The following PTPRT variants were observed in gnomAD, a reference collection of about 807,000 sequenced individuals.
The protein encoded by PTPRT is protein tyrosine phosphatase receptor type T.
In PTPRT, 56 loss-of-function variants were observed where a neutral mutation model predicts 176.8. That is an observed-to-expected ratio of 0.32 (90% CI 0.26 to 0.40). PTPRT has a LOEUF of 0.40. Among genes scored for constraint, PTPRT ranks in the 10% least tolerant of loss-of-function variants. The pLI is 1.00. For synonymous variants in PTPRT, 783 were observed against 739.0 expected (o/e 1.06, Z -0.96); for missense variants, 1,540 against 1,908.2 (o/e 0.81, Z 3.60).
At chr20:42,721,047 C>T (rs571579606) in intron 6 of PTPRT, among the ~76,000 whole-genome samples, 3 of 152,190 alleles carry the variant, frequency 2.0e-5, no homozygotes, top group Admixed American at 6.5e-5. Context: ...TGGGACAGAA[C>T]GAAGTGTTAG....
chr20:42,919,829 A>T (rs566928735), intron 1 of PTPRT, among the ~76,000 whole-genome samples: 2 of 152,302 alleles, frequency 1.3e-5, no homozygotes, highest in East Asian at 3.9e-4. Context: ...AGTTCAGTGA[A>T]TTTTAAACTG....
chr20:42,509,647 C>G (rs2071918424), intron 7 of PTPRT, among the ~76,000 whole-genome samples: 1 of 148,348 alleles, frequency 6.7e-6, no homozygotes, highest in African/African-American at 2.4e-5. Flanking sequence ...CACTGTATGT[C>G]ATTCTGCAGA....
intron 27 of PTPRT, among the ~76,000 whole-genome samples, chr20:42,095,288 GC>G (rs1460453569): frequency 2.0e-5 from 3 of 152,208 alleles, no homozygotes; most frequent in African/African-American, 7.2e-5. Context: ...TCAAACATGT[GC>G]ATGGCTCTCT....
At chr20:42,526,962 T>C (rs890310165) in intron 7 of PTPRT, among the ~76,000 whole-genome samples, 3 of 124,936 alleles carry the variant, frequency 2.4e-5, no homozygotes, top group Admixed American at 1.6e-4. Flanking sequence ...TTTTCTTTTT[T>C]TTTTTTTTTT....
chr20:42,722,539 A>G (rs1165271547), intron 6 of PTPRT, among the ~76,000 whole-genome samples: 2 of 152,074 alleles, frequency 1.3e-5, no homozygotes, highest in African/African-American at 4.8e-5. Context: ...CACTTTCTGC[A>G]CCCTCGCTGG....
rs1983045430 is a variant in PTPRT at position 42,078,951 on chromosome 20, A to C, written c.*1928T>G. ...CACCATGGTTCCATTTCCCCAGCATACAGTGGGCTCTTGAGGGCCAAAGCT... is the reference window on the plus strand; with the variant it reads ...CACCATGGTTCCATTTCCCCAGCATCCAGTGGGCTCTTGAGGGCCAAAGCT... On this transcript the variant is annotated 3_prime_UTR_variant, in exon 31 of 31. Transcript: ENST00000373187. 5.7e-6 allele frequency: 1 copy of C among 176,876 alleles called. No homozygotes were observed. The highest frequency in any genetic ancestry group is 1.2e-5 in the Non-Finnish European group (1 of 82,080). The allele number at this position is 176,876 out of a possible 1,614,324, so 11.0% of individuals were successfully genotyped here.
chr20:42,569,031 G>C (rs61617794), intron 7 of PTPRT, among the ~76,000 whole-genome samples: 9,604 of 100,726 alleles, frequency 0.095, 727 homozygotes, highest in Admixed American at 0.33. Flanking sequence ...CTGGGCGACA[G>C]AGCAAGACTC....
chr20:42,929,726 T>A (rs1027965260), intron 1 of PTPRT, among the ~76,000 whole-genome samples: 1 of 152,222 alleles, frequency 6.6e-6, no homozygotes, highest in Non-Finnish European at 1.5e-5. Context: ...CATTTTCCCC[T>A]TAAATCAATT....
rs1046567817 is a variant in PTPRT, at chr20:43,189,221, C to T, written c.88+425G>A. 6.6e-6 allele frequency among the ~76,000 whole-genome samples: 1 copy of T among 152,168 alleles called. No homozygotes were observed. The highest frequency in any genetic ancestry group is 1.5e-5 in the Non-Finnish European group (1 of 68,022). On this transcript the variant is annotated intron_variant, in intron 1 of 30. Coordinates refer to ENST00000373187, the MANE Select transcript of PTPRT (RefSeq NM_007050.6). This position sits in a 1 kb window ranked among gnomAD's most constrained non-coding sequence, Gnocchi z 5.0. The stretch of plus-strand genomic sequence containing the variant: ...CGGCCTGCTGGGGACCTGTCCTCCC[C>T]ACTAAAAGCGCGCGCTGCCCGAGGA...
chr20:42,626,248 T>C (rs1467990809), intron 7 of PTPRT, among the ~76,000 whole-genome samples: 1 of 152,186 alleles, frequency 6.6e-6, no homozygotes, highest in Admixed American at 6.5e-5. Flanking sequence ...GCCACTGCAT[T>C]AAGCTACTTG....
chr20:42,462,980 T>C (rs1352003645), intron 8 of PTPRT, among the ~76,000 whole-genome samples: 2 of 152,144 alleles, frequency 1.3e-5, no homozygotes, highest in East Asian at 3.9e-4. Context: ...TCCAAGGCAT[T>C]TCCCAAATCA....
intron 7 of PTPRT, among the ~76,000 whole-genome samples, chr20:42,676,209 G>A (rs1363512449): frequency 6.6e-6 from 1 of 152,108 alleles, no homozygotes. Flanking sequence ...GCATAAAATT[G>A]TGCCACCAGT....
At chr20:42,213,191 A>G (rs557362331) in intron 15 of PTPRT, among the ~76,000 whole-genome samples, 85 of 97,840 alleles carry the variant, frequency 8.7e-4, no homozygotes, top group African/African-American at 2.4e-3. Flanking sequence ...TAGGTGATCA[A>G]TAAGCCCTCC....
At chr20:42,282,552 A>G (rs1201967462) in intron 12 of PTPRT, 27 bp from the exon 13 acceptor site, 6 of 1,587,888 alleles carry the variant, frequency 3.8e-6, no homozygotes, top group Middle Eastern at 1.7e-4. Context: ...TGAGATGCCA[A>G]TTAATTAGCT....
intron 6 of PTPRT, among the ~76,000 whole-genome samples, chr20:42,685,204 G>A (rs1411515685): frequency 6.6e-6 from 1 of 152,182 alleles, no homozygotes; most frequent in Non-Finnish European, 1.5e-5. Context: ...CATTTTCAAA[G>A]CCAGCAGAAA....
chr20:42,086,753 A>AATATAT lies in PTPRT; in HGVS notation c.3847-906_3847-901dup, dbSNP rs1555858329. On this transcript the variant is annotated intron_variant, in intron 27 of 30. Transcript: ENST00000373187. The stretch of plus-strand genomic sequence containing the variant: ...AAAAAAAAAAAAAAAAAAAAAAAAA[A>AATATAT]ATATATATATATATGGGTTTGACCT... Among the ~76,000 whole-genome samples the AATATAT allele has an allele frequency of 4.8e-4, 46 of 95,526 alleles. 4 individuals carry two copies. The highest frequency in any genetic ancestry group is 1.2e-3 in the African/African-American group (24 of 20,416). The allele number at this position is 95,526 out of a possible 152,430, so 62.7% of individuals were successfully genotyped here.
intron 16 of PTPRT, among the ~76,000 whole-genome samples, chr20:42,162,934 T>A (rs898274139): frequency 6.6e-6 from 1 of 152,210 alleles, no homozygotes; most frequent in African/African-American, 2.4e-5. Flanking sequence ...CACCTGACCT[T>A]CCTGCTTTCT....
intron 8 of PTPRT, among the ~76,000 whole-genome samples, chr20:42,459,902 C>G (rs543067422): frequency 6.6e-6 from 1 of 150,482 alleles, no homozygotes; most frequent in Non-Finnish European, 1.5e-5. Flanking sequence ...CAGGGGTGAG[C>G]CACCATCCCC....
chr20:43,015,416 C>A (rs893007319), intron 1 of PTPRT, among the ~76,000 whole-genome samples: 1 of 152,186 alleles, frequency 6.6e-6, no homozygotes, highest in Non-Finnish European at 1.5e-5. Context: ...TAATAAATCA[C>A]GGAGTGACCA....
Sources: allele counts gnomAD v4.1 joint callset (sites outside exome capture counted in the v4.1 genomes callset), GRCh38; gene constraint gnomAD v4.1.1; non-coding constraint Gnocchi (gnomAD v3.1); transcripts MANE v1.5; gene names NCBI Gene and HGNC (gene_info 2026-07-23, HGNC 2026-07-21).